Variants in BRDT observed in about 807,000 individuals in gnomAD.
BRDT encodes the protein bromodomain testis-specific protein.
A neutral mutation model predicts 113.9 loss-of-function variants in BRDT; 77 were observed. The observed-to-expected ratio is 0.68, with a 90% CI of 0.56 to 0.82. The LOEUF is 0.82. BRDT is among the 40% of genes least tolerant of loss of function. BRDT has a pLI of 0.00. For missense variants in BRDT, 1,027 were observed against 1,105.4 expected, an observed-to-expected ratio of 0.93 and a Z score of 1.01; for synonymous variants, 358 against 366.5, an observed-to-expected ratio of 0.98 and a Z score of 0.26.
chr1:91,991,120 A>G, intron 12 of BRDT, 64 bp from the exon 13 acceptor site: 1 of 1,113,404 alleles, frequency 9.0e-7, no homozygotes, highest in South Asian at 1.5e-5. Context: ...TAATATGGAA[A>G]AATTATAACT....
chr1:91,963,551 TC>T (rs1682730022), intron 2 of BRDT, among the ~76,000 whole-genome samples: 1 of 152,186 alleles, frequency 6.6e-6, no homozygotes, highest in Admixed American at 6.5e-5. Context: ...TCTTGACACT[TC>T]CTGGCAGGCT....
intron 7 of BRDT, among the ~76,000 whole-genome samples, chr1:91,979,328 G>T (rs190792618): frequency 1.3e-5 from 2 of 152,010 alleles, no homozygotes; most frequent in East Asian, 2.0e-4. Context: ...GGTCAGGCTG[G>T]TCTTGATCTC....
At chr1:91,968,026 A>C in intron 3 of BRDT, 120 bp from the exon 4 acceptor site, 2 of 896,284 alleles carry the variant, frequency 2.2e-6, no homozygotes, top group Admixed American at 3.1e-5. Context: ...TAAATTTATA[A>C]GAGATGAATA....
chr1:91,951,374 T>C (rs1176318646), intron 1 of BRDT, among the ~76,000 whole-genome samples: 1 of 152,076 alleles, frequency 6.6e-6, no homozygotes, highest in Non-Finnish European at 1.5e-5. Context: ...AAACAGTAAG[T>C]ATCTCGAATA....
chr1:92,013,945 G>A (rs961900321), intron 18 of BRDT, among the ~76,000 whole-genome samples: 2 of 151,924 alleles, frequency 1.3e-5, no homozygotes, highest in Non-Finnish European at 2.9e-5. Context: ...TGTAGGGAGG[G>A]GTCAAACTTA....
chr1:91,987,683 A>G (rs187921063), intron 12 of BRDT, among the ~76,000 whole-genome samples: 2 of 151,826 alleles, frequency 1.3e-5, no homozygotes, highest in Non-Finnish European at 2.9e-5. Context: ...TTTAAATCAT[A>G]TTATGTTCCT....
chr1:91,968,079 G>A (rs1381530091), intron 3 of BRDT, 67 bp from the exon 4 acceptor site: 2 of 1,533,050 alleles, frequency 1.3e-6, no homozygotes, highest in Non-Finnish European at 1.8e-6. Context: ...AAAGTGGGCT[G>A]AATTTAAAAC....
At chr1:91,975,014 T>G (rs1683993108) in intron 4 of BRDT, among the ~76,000 whole-genome samples, 2 of 152,154 alleles carry the variant, frequency 1.3e-5, no homozygotes, top group East Asian at 1.9e-4. Context: ...CCATCATTCT[T>G]AGCAAACTAT....
chr1:91,979,668 G>A lies in BRDT; in HGVS notation c.1198G>A (p.Glu400Lys). The A allele has an allele frequency of 6.2e-7, 1 of 1,614,114 alleles. No individual in the cohort carries two copies. The highest frequency in any genetic ancestry group is 8.5e-7 in the Non-Finnish European group (1 of 1,179,978). The change falls in exon 8 of 19, where the codon GAG (glutamate) becomes AAG (lysine). Residue 400 changes from glutamate (E) to lysine (K), a missense_variant. Coordinates refer to ENST00000399546, the MANE Select transcript of BRDT (RefSeq NM_207189.4). ...KTDITETTGR[E>K]NTNEASSEGN... is the part of the protein sequence containing the mutation. ...AGATATCACAGAAACCACTGGTAGA[G>A]AGAACACTAATGAAGCCTCCTCTGA...
At position 91,992,316 on chromosome 1, in the gene BRDT, TA is replaced by T; in HGVS notation, c.2115+4del. On this transcript the variant is annotated splice_donor_region_variant and intron_variant, in intron 14 of 18. Coordinates refer to ENST00000399546, the MANE Select transcript of BRDT (RefSeq NM_207189.4). ...GAAGGAAGAACAGGCGTCACACAGG[TA>T]ATGCTTAAAATGTGTTTTAAAGAAC... 6.6e-7 allele frequency: 1 copy of T among 1,512,044 alleles called. No homozygotes were observed. The highest frequency in any genetic ancestry group is 8.9e-7 in the Non-Finnish European group (1 of 1,127,120). 93.7% of individuals were successfully genotyped at this position (1,512,044 alleles called of 1,614,324 possible).
At chr1:91,962,260 A>C (rs1004813016) in intron 1 of BRDT, among the ~76,000 whole-genome samples, 6 of 133,346 alleles carry the variant, frequency 4.5e-5, no homozygotes, top group African/African-American at 1.6e-4. Context: ...TTTGTTTAAA[A>C]ATTGATTCCT....
chr1:91,964,637 C>A lies in BRDT; in HGVS notation c.203C>A (p.Thr68Asn), dbSNP rs1436693677. 1.4e-6 allele frequency: 2 copies of A among 1,411,416 alleles called. No individual in the cohort carries two copies. Among genetic ancestry groups the A allele is most frequent in the Admixed American group, 2.0e-5 (1 of 50,256 alleles). The allele number at this position is 1,411,416 out of a possible 1,614,324, so 87.4% of individuals were successfully genotyped here. ...AVKLQLPDYY[T>N]IIKNPMDLNT... ...TGTTCAAAACCATAGGATTATTATA[C>A]CATTATAAAAAACCCAATGGATTTA... The change falls in exon 3 of 19, where the codon ACC (threonine) becomes AAC (asparagine). Residue 68 changes from threonine to asparagine, a missense_variant. Thr to Asn is a moderately conservative substitution (Grantham distance 65, BLOSUM62 0). Transcript: ENST00000399546.
intron 2 of BRDT, 123 bp from the exon 3 acceptor site, chr1:91,964,504 C>G (rs1350631477): frequency 1.6e-6 from 1 of 628,592 alleles, no homozygotes; most frequent in Non-Finnish European, 2.4e-6. Flanking sequence ...CAGAATATGG[C>G]TTTTTAAAGA....
intron 4 of BRDT, among the ~76,000 whole-genome samples, chr1:91,974,534 C>G (rs1312289847): frequency 6.6e-6 from 1 of 152,194 alleles, no homozygotes; most frequent in African/African-American, 2.4e-5. Flanking sequence ...TGAAAAAATG[C>G]TCATCATCAC....
rs764031657 is a variant in BRDT, at chr1:92,002,154, A to G, written c.2388+5A>G. ...TGTCAAGCTCCTGTACAGAAGGTAA[A>G]AGTAATTTTTTTTTTCTAACAAATC... On this transcript the variant is annotated splice_donor_5th_base_variant and intron_variant, in intron 16 of 18. Coordinates refer to ENST00000399546, the MANE Select transcript of BRDT (RefSeq NM_207189.4). 3 of 1,605,014 alleles carry G rather than the reference A, an allele frequency of 1.9e-6. No individual in the cohort carries two copies. Among genetic ancestry groups the G allele is most frequent in the Non-Finnish European group, 2.6e-6 (3 of 1,172,818 alleles).
intron 12 of BRDT, among the ~76,000 whole-genome samples, chr1:91,989,674 A>T (rs1685593454): frequency 6.6e-6 from 1 of 152,162 alleles, no homozygotes; most frequent in Admixed American, 6.5e-5. Flanking sequence ...TATGTCCTTT[A>T]AATGCGAAAG....
At chr1:91,965,425 A>G (rs1682960521) in intron 3 of BRDT, among the ~76,000 whole-genome samples, 1 of 152,144 alleles carries the variant, frequency 6.6e-6, no homozygotes. Context: ...CTGTCATTTT[A>G]GTTATGAGAT....
At chr1:91,999,452 T>C (rs1197979299) in intron 15 of BRDT, among the ~76,000 whole-genome samples, 1 of 152,202 alleles carries the variant, frequency 6.6e-6, no homozygotes, top group African/African-American at 2.4e-5. Flanking sequence ...ATCCCATCTG[T>C]CTGTTCCTTA....
At chr1:91,974,017 C>G (rs538120242) in intron 4 of BRDT, among the ~76,000 whole-genome samples, 1 of 152,052 alleles carries the variant, frequency 6.6e-6, no homozygotes, top group African/African-American at 2.4e-5. Context: ...ACAAACCTGA[C>G]AAAAACAAGA....
Sources: gnomAD v4.1 joint callset for allele counts (sites outside exome capture counted in the v4.1 genomes callset) on GRCh38, gnomAD v4.1.1 for gene constraint, MANE v1.5 for transcripts, NCBI Gene and HGNC (gene_info 2026-07-23, HGNC 2026-07-21) for gene names.